The following PIK3C2G variants were observed in gnomAD, a reference collection of about 807,000 sequenced individuals.
PIK3C2G encodes phosphatidylinositol 3-kinase C2 domain-containing subunit gamma.
PIK3C2G carries 168 observed loss-of-function variants against 181.1 expected under a neutral mutation model. The ratio of observed to expected loss-of-function variants is 0.93; its 90% CI spans 0.82 to 1.05. The LOEUF (loss-of-function observed/expected upper bound fraction) is 1.05. PIK3C2G is among the 50% of genes least tolerant of loss of function. The pLI is 0.00. For synonymous variants in PIK3C2G, 573 were observed against 592.2 expected, an observed-to-expected ratio of 0.97 and a Z score of 0.47; for missense variants, 1,869 against 1,732.8, an observed-to-expected ratio of 1.08 and a Z score of -1.40.
chr12:18,281,842 T>C (rs954002339), intron 1 of PIK3C2G, among the ~76,000 whole-genome samples, 162 bp from the exon 2 acceptor site: 1 of 152,114 alleles, frequency 6.6e-6, no homozygotes, highest in Admixed American at 6.6e-5. Context: ...AGACTTATAA[T>C]GTTGTAAGCC....
At chr12:18,581,323 A>G (rs756310144) in intron 29 of PIK3C2G, among the ~76,000 whole-genome samples, 13 of 152,190 alleles carry the variant, frequency 8.5e-5, no homozygotes, top group Non-Finnish European at 1.8e-4. Flanking sequence ...TCTGACAGTG[A>G]AAAAAATACA....
chr12:18,358,423 T>C (rs1337258558), intron 11 of PIK3C2G: 1 of 178,022 alleles, frequency 5.6e-6, no homozygotes, highest in African/African-American at 2.4e-5. Context: ...ACTCAGCATT[T>C]GGTTCATCTC....
chr12:18,721,482 A>G, the PIK3C2G span, among the ~76,000 whole-genome samples: 15 of 152,052 alleles, frequency 9.9e-5, no homozygotes, highest in Non-Finnish European at 2.1e-4. Flanking sequence ...TTGTAGTTAA[A>G]ATGCAAACAC....
intron 26 of PIK3C2G, among the ~76,000 whole-genome samples, chr12:18,557,504 CGT>C (rs1224358611): frequency 6.6e-6 from 1 of 152,012 alleles, no homozygotes; most frequent in Non-Finnish European, 1.5e-5. Context: ...ATGTCATTAA[CGT>C]ATAGCTAAAA....
intron 5 of PIK3C2G, among the ~76,000 whole-genome samples, chr12:18,310,675 A>G (rs11044020): frequency 0.12 from 17,578 of 151,988 alleles, 1,246 homozygotes; most frequent in Middle Eastern, 0.19. Context: ...AAGTAAAAAT[A>G]TGTTTATGAA....
intron 1 of PIK3C2G, 56 bp downstream of exon 1, chr12:18,261,633 G>A (rs73060413): frequency 3.9e-5 from 6 of 152,006 alleles, no homozygotes; most frequent in Admixed American, 3.3e-4. Context: ...ATGATATTTC[G>A]ACTCAAATAT....
intron 5 of PIK3C2G, among the ~76,000 whole-genome samples, chr12:18,302,010 A>C (rs1282225181): frequency 6.6e-6 from 1 of 152,146 alleles, no homozygotes; most frequent in Non-Finnish European, 1.5e-5. Context: ...TCAGTGGCTT[A>C]AGCTACAGTT....
chr12:18,417,394 G>A (rs1331413262), intron 16 of PIK3C2G, among the ~76,000 whole-genome samples: 5 of 152,154 alleles, frequency 3.3e-5, no homozygotes, highest in Non-Finnish European at 7.3e-5. Flanking sequence ...AATTTTGAAA[G>A]AAGTTCTACT....
rs184067429 is a variant in PIK3C2G at position 18,595,926 on chromosome 12, T to C, written c.4087+1357T>C. 7.9e-5 allele frequency among the ~76,000 whole-genome samples: 12 copies of C among 152,236 alleles called. No homozygotes were observed. The East Asian group carries it at 2.1e-3, about 27-fold the overall frequency. On this transcript the variant is annotated intron_variant, in intron 30 of 32. Transcript: ENST00000538779. ...TTTGCTATACACGCCTAGAATGTTATTTCTTCAAAACACTCATTGCCATGA... is the reference window on the plus strand; with the variant it reads ...TTTGCTATACACGCCTAGAATGTTACTTCTTCAAAACACTCATTGCCATGA...
At chr12:18,711,060 T>C in the PIK3C2G span, among the ~76,000 whole-genome samples, 1 of 152,198 alleles carries the variant, frequency 6.6e-6, no homozygotes, top group East Asian at 1.9e-4. Flanking sequence ...CTATAAATCA[T>C]GCTGCTATAA....
chr12:18,541,079 A>C (rs1944126125), intron 25 of PIK3C2G, among the ~76,000 whole-genome samples: 1 of 151,760 alleles, frequency 6.6e-6, no homozygotes, highest in Non-Finnish European at 1.5e-5. Context: ...TCTCAACCCG[A>C]CTCTTTTATG....
At chr12:18,683,315 C>A in the PIK3C2G span, 3 of 1,612,130 alleles carry the variant, frequency 1.9e-6, no homozygotes, top group African/African-American at 2.7e-5. Context: ...CAGAGGAATA[C>A]GACGATAACC....
chr12:18,300,237 T>C (rs1011855257), intron 5 of PIK3C2G, among the ~76,000 whole-genome samples: 1 of 152,020 alleles, frequency 6.6e-6, no homozygotes, highest in Non-Finnish European at 1.5e-5. Context: ...TGTTCAGGTT[T>C]TCTGTTACAG....
chr12:18,639,249 TATA>T (rs1460784697), intron 31 of PIK3C2G, among the ~76,000 whole-genome samples: 11 of 152,138 alleles, frequency 7.2e-5, no homozygotes, highest in Admixed American at 7.2e-4. Context: ...AATTTAGTCC[TATA>T]ATAATATATA....
At chr12:18,611,287 G>A (rs1256062166) in intron 31 of PIK3C2G, among the ~76,000 whole-genome samples, 1 of 152,042 alleles carries the variant, frequency 6.6e-6, no homozygotes, top group East Asian at 1.9e-4. Context: ...TTAGGGCCAT[G>A]AGAACCTCTA....
chr12:18,532,392 T>C (rs1055991690), intron 24 of PIK3C2G, among the ~76,000 whole-genome samples: 2 of 152,176 alleles, frequency 1.3e-5, no homozygotes, highest in Non-Finnish European at 2.9e-5. Flanking sequence ...TAAAATTCTT[T>C]GCATAGCCCT....
chr12:18,720,775 C>T, the PIK3C2G span, among the ~76,000 whole-genome samples: 1 of 151,876 alleles, frequency 6.6e-6, no homozygotes, highest in African/African-American at 2.4e-5. Flanking sequence ...CAAGAATGCT[C>T]ACATTAGCAT....
the PIK3C2G span, among the ~76,000 whole-genome samples, chr12:18,658,614 T>C: frequency 6.6e-6 from 1 of 152,120 alleles, no homozygotes; most frequent in African/African-American, 2.4e-5. Context: ...AATTTTTTAA[T>C]AGAAAATCAA....
chr12:18,684,813 T>G, the PIK3C2G span, among the ~76,000 whole-genome samples: 2 of 152,010 alleles, frequency 1.3e-5, no homozygotes, highest in Non-Finnish European at 2.9e-5. Context: ...CCCAGGTGTT[T>G]AGGAAGACAC....
Sources: gnomAD v4.1 joint callset for allele counts (sites outside exome capture counted in the v4.1 genomes callset) on GRCh38, gnomAD v4.1.1 for gene constraint, MANE v1.5 for transcripts, NCBI Gene and HGNC (gene_info 2026-07-23, HGNC 2026-07-21) for gene names.